The following LHFPL3 variants were observed in gnomAD, a reference collection of about 807,000 sequenced individuals.
LHFPL3 encodes the protein LHFPL tetraspan subfamily member 3, also known as LHFPL tetraspan subfamily member 3 protein.
In LHFPL3, 5 loss-of-function variants were observed where a neutral mutation model predicts 19.3. The ratio of observed to expected loss-of-function variants is 0.26; its 90% CI spans 0.14 to 0.54. LHFPL3 has a LOEUF of 0.54. Ranked by LOEUF, LHFPL3 falls within the 20% of genes least tolerant of loss-of-function variation. The pLI, the probability that LHFPL3 is intolerant of heterozygous loss-of-function variation, is 0.94. For synonymous variants in LHFPL3, 133 were observed against 126.2 expected, an observed-to-expected ratio of 1.05 and a Z score of -0.36; for missense variants, 249 against 307.4, an observed-to-expected ratio of 0.81 and a Z score of 1.42.
At chr7:104,650,541 G>A (rs1208329778) in intron 1 of LHFPL3, among the ~76,000 whole-genome samples, 1 of 152,248 alleles carries the variant, frequency 6.6e-6, no homozygotes, top group Non-Finnish European at 1.5e-5. Context: ...CAATGCATGA[G>A]CAAAATTAAA....
In LHFPL3 at chr7:104,658,776, C is replaced by T. The variant is rs150773618; in HGVS notation, c.446-77899C>T. Among the ~76,000 whole-genome samples the T allele has an allele frequency of 2.2e-3, 329 of 152,248 alleles. 2 individuals are homozygous for T. Among genetic ancestry groups the T allele is most frequent in the African/African-American group, 7.7e-3 (321 of 41,528 alleles). On this transcript the variant is annotated intron_variant, in intron 1 of 2. Transcript: ENST00000424859. ...CTGCACTCTAGCCTGGCCGACAGAGCGAGACTTCATCTCAAAAAACAAACT... is the reference window on the plus strand; with the variant it reads ...CTGCACTCTAGCCTGGCCGACAGAGTGAGACTTCATCTCAAAAAACAAACT...
intron 1 of LHFPL3, among the ~76,000 whole-genome samples, chr7:104,421,178 T>A (rs920312846): frequency 4.6e-5 from 7 of 152,086 alleles, no homozygotes; most frequent in Non-Finnish European, 8.8e-5. Flanking sequence ...AATTAGAAAA[T>A]GACCTATTAT....
At chr7:104,505,327 G>A (rs1793675922) in intron 1 of LHFPL3, among the ~76,000 whole-genome samples, 1 of 152,198 alleles carries the variant, frequency 6.6e-6, no homozygotes, top group Non-Finnish European at 1.5e-5. Context: ...ACATTCAAAT[G>A]AGATATGGAA....
chr7:104,731,035 T>C (rs1793693724), intron 1 of LHFPL3, among the ~76,000 whole-genome samples: 2 of 152,224 alleles, frequency 1.3e-5, no homozygotes, highest in African/African-American at 4.8e-5. Flanking sequence ...TTGTCAGGTT[T>C]GTCAAAGATC....
intron 2 of LHFPL3, among the ~76,000 whole-genome samples, chr7:104,835,051 A>G (rs1791065346): frequency 6.6e-6 from 1 of 151,964 alleles, no homozygotes; most frequent in Non-Finnish European, 1.5e-5. Flanking sequence ...ATAGCAGTTT[A>G]ACCTCCAGTG....
At chr7:104,566,623 T>C (rs1182970404) in intron 1 of LHFPL3, among the ~76,000 whole-genome samples, 1 of 152,174 alleles carries the variant, frequency 6.6e-6, no homozygotes, top group Admixed American at 6.5e-5. Context: ...TCCTGATCTC[T>C]TTCCCACTAG....
chr7:104,460,595 A>G (rs1477815306), intron 1 of LHFPL3, among the ~76,000 whole-genome samples: 2 of 152,182 alleles, frequency 1.3e-5, no homozygotes, highest in African/African-American at 2.4e-5. Flanking sequence ...TTCTCTAATA[A>G]TCAGTGATAT....
chr7:104,436,270 T>C (rs1193695858), intron 1 of LHFPL3, among the ~76,000 whole-genome samples: 2 of 152,224 alleles, frequency 1.3e-5, no homozygotes, highest in Non-Finnish European at 2.9e-5. Flanking sequence ...TATATTTTTA[T>C]TGGACAATTG....
intron 1 of LHFPL3, chr7:104,667,942 C>A: frequency 1.9e-6 from 3 of 1,613,326 alleles, no homozygotes; most frequent in Non-Finnish European, 2.5e-6. Flanking sequence ...GTGTACAGGG[C>A]GCCTCCAATT....
At chr7:104,855,299 C>A (rs1244856481) in intron 2 of LHFPL3, among the ~76,000 whole-genome samples, 1 of 152,158 alleles carries the variant, frequency 6.6e-6, no homozygotes, top group East Asian at 1.9e-4. Context: ...TATCAAAATA[C>A]ACAGGACATC....
At chr7:104,579,188 T>C (rs1048536210) in intron 1 of LHFPL3, among the ~76,000 whole-genome samples, 7 of 152,114 alleles carry the variant, frequency 4.6e-5, no homozygotes, top group African/African-American at 1.7e-4. Flanking sequence ...GATTCGGGAG[T>C]ACGTGTGCAG....
intron 1 of LHFPL3, among the ~76,000 whole-genome samples, chr7:104,479,956 G>A (rs1313509740): frequency 6.6e-6 from 1 of 152,154 alleles, no homozygotes; most frequent in East Asian, 1.9e-4. Flanking sequence ...GGGTAAATAG[G>A]TTTTATTATT....
At chr7:104,836,706 T>G (rs78946468) in intron 2 of LHFPL3, among the ~76,000 whole-genome samples, 1,671 of 152,310 alleles carry the variant, frequency 0.011, 36 homozygotes, top group African/African-American at 0.038. Flanking sequence ...CTGCTACCCA[T>G]TCTGATATTC....
intron 1 of LHFPL3, among the ~76,000 whole-genome samples, chr7:104,406,181 C>G (rs992567838): frequency 6.6e-6 from 1 of 152,208 alleles, no homozygotes; most frequent in African/African-American, 2.4e-5. Flanking sequence ...TGACAGCTTC[C>G]TGGTGAGCTG....
At chr7:104,383,935 T>C (rs1011520032) in intron 1 of LHFPL3, among the ~76,000 whole-genome samples, 3 of 152,210 alleles carry the variant, frequency 2.0e-5, no homozygotes, top group African/African-American at 7.2e-5. Context: ...GCAGTGGCCT[T>C]CCCTCAGCTC....
intron 1 of LHFPL3, among the ~76,000 whole-genome samples, chr7:104,456,315 G>A (rs13224606): frequency 0.17 from 25,330 of 152,124 alleles, 2,121 homozygotes; most frequent in Middle Eastern, 0.2. Context: ...GTAAAAGGCC[G>A]AAATGCATAC....
At chr7:104,901,236 ACTAT>A (rs1792476972) in intron 2 of LHFPL3, among the ~76,000 whole-genome samples, 1 of 152,312 alleles carries the variant, frequency 6.6e-6, no homozygotes, top group Middle Eastern at 3.4e-3. Context: ...TCATGTGCAT[ACTAT>A]CTAAGTAGTT....
intron 1 of LHFPL3, among the ~76,000 whole-genome samples, chr7:104,428,217 T>G (rs1791885547): frequency 6.6e-6 from 1 of 152,184 alleles, no homozygotes; most frequent in African/African-American, 2.4e-5. Flanking sequence ...ATATAACATC[T>G]GGTAATGTGG....
chr7:104,561,664 A>C (rs1255211368), intron 1 of LHFPL3, among the ~76,000 whole-genome samples: 1 of 151,972 alleles, frequency 6.6e-6, no homozygotes, highest in African/African-American at 2.4e-5. Flanking sequence ...TTTTAATTGG[A>C]GCATTTAGTC....
Sources: gnomAD v4.1 joint callset for allele counts (sites outside exome capture counted in the v4.1 genomes callset) on GRCh38, gnomAD v4.1.1 for gene constraint, MANE v1.5 for transcripts, NCBI Gene and HGNC (gene_info 2026-07-23, HGNC 2026-07-21) for gene names.